Variants in GSG1L2 observed in about 807,000 individuals in gnomAD.
GSG1L2 encodes the protein GSG1 like 2, also known as germ cell-specific gene 1-like protein 2.
Under a neutral mutation model 9.0 loss-of-function variants are expected in GSG1L2, and 15 were observed. The observed-to-expected ratio is 1.67, with a 90% confidence interval of 1.12 to 2.57. The LOEUF is 2.57. GSG1L2 is among the 30% of genes most tolerant of loss of function. The pLI is 0.00. For missense variants in GSG1L2, 286 were observed against 150.3 expected (o/e 1.90, Z -4.72); for synonymous variants, 127 against 57.9 (o/e 2.19, Z -5.41).
intron 1 of GSG1L2, among the ~76,000 whole-genome samples, chr17:9,813,985 T>A (rs1012589230): frequency 3.3e-5 from 5 of 151,710 alleles, no homozygotes; most frequent in East Asian, 1.9e-4. Flanking sequence ...CCAGGGCTGG[T>A]GTGCAATGGC....
chr17:9,815,632 C>A (rs2066556443), intron 1 of GSG1L2, among the ~76,000 whole-genome samples: 1 of 152,120 alleles, frequency 6.6e-6, no homozygotes, highest in Non-Finnish European at 1.5e-5. Flanking sequence ...GGAATCTTTT[C>A]CAGTTTGTTG....
intron 4 of GSG1L2, among the ~76,000 whole-genome samples, chr17:9,806,680 A>AACTGTGT (rs1202521588): frequency 6.6e-6 from 1 of 152,198 alleles, no homozygotes; most frequent in African/African-American, 2.4e-5. Context: ...CTACACTCTC[A>AACTGTGT]ACTGTGTAAG....
intron 3 of GSG1L2, among the ~76,000 whole-genome samples, chr17:9,808,360 A>T (rs1356883121): frequency 1.3e-5 from 2 of 152,188 alleles, no homozygotes; most frequent in Non-Finnish European, 2.9e-5. Context: ...ACTTTTTTTA[A>T]AACTACCATG....
In GSG1L2 at chr17:9,814,508, AAGGTGG is replaced by A. The variant is rs1191329236; in HGVS notation, c.311-3896_311-3891del. 5.9e-5 allele frequency among the ~76,000 whole-genome samples: 9 copies of A among 152,296 alleles called. No individual in the cohort carries two copies. In the South Asian group the frequency reaches 1.0e-3, roughly 18 times the overall value. ...CACAGAGCCAGGGCTGGGCAAAGAG[AAGGTGG>A]AGGCCAGCCAAGGAGATTAAGAGAA... is the stretch of plus-strand genomic sequence containing the variant. On this transcript the variant is annotated intron_variant, in intron 1 of 4. Coordinates refer to ENST00000399363, the MANE Select transcript of GSG1L2 (RefSeq NM_001310219.2).
chr17:9,813,567 AC>A (rs1209332779), intron 1 of GSG1L2, among the ~76,000 whole-genome samples: 1 of 152,186 alleles, frequency 6.6e-6, no homozygotes, highest in Non-Finnish European at 1.5e-5. Context: ...CACAGAGGAA[AC>A]AATTCATCTG....
At chr17:9,810,143 G>A (rs1275311130) in intron 2 of GSG1L2, 2 of 187,404 alleles carry the variant, frequency 1.1e-5, no homozygotes, top group Admixed American at 1.1e-4. Flanking sequence ...CTCCAGCTGG[G>A]AGAACAGACA....
At chr17:9,814,399 T>C (rs2066551421) in intron 1 of GSG1L2, among the ~76,000 whole-genome samples, 1 of 152,194 alleles carries the variant, frequency 6.6e-6, no homozygotes. Context: ...TTCTTGTCTT[T>C]CTACCTAATG....
intron 4 of GSG1L2, 145 bp from the exon 5 acceptor site, chr17:9,802,789 A>G (rs1239275484): frequency 8.2e-6 from 5 of 611,176 alleles, no homozygotes; most frequent in East Asian, 5.5e-5. Context: ...CACAAATCCC[A>G]GAGTCTAGTC....
rs1485269327 is a variant in GSG1L2, at chr17:9,821,934, C to T, written c.138G>A (p.Gln46=). 5 of 703,086 alleles carry T rather than the reference C, an allele frequency of 7.1e-6. No homozygotes were observed. Among genetic ancestry groups the T allele is most frequent in the Non-Finnish European group, 1.3e-5 (5 of 385,044 alleles). 43.6% of individuals were successfully genotyped at this position (703,086 alleles called of 1,614,324 possible). ...AGTGAATGCAGTGCTGCCCTCCCGG[C>T]TGGTCCTGGCACAGTGGCTTCACCA... is the stretch of plus-strand genomic sequence containing the variant. ...RRVVKPLCQD[Q]PGGQHCIHFK... is the part of the protein sequence containing the mutation. Residue 46 remains glutamine (Q), a synonymous_variant, in exon 1 of 5, where the codon CAG becomes CAA. Transcript: ENST00000399363.
chr17:9,802,254 T>G lies in GSG1L2; in HGVS notation c.*132A>C. The G allele has an allele frequency of 1.8e-6, 1 of 561,892 alleles. No homozygotes were observed. The highest frequency in any genetic ancestry group is 2.8e-5 in the East Asian group (1 of 35,750). The allele number at this position is 561,892 out of a possible 1,614,324, so 34.8% of individuals were successfully genotyped here. ...CAAAGGTGTTTAGTAAAAGGTGAGA[T>G]GTGGAGGGGTGGGGATGGAAGCTTT... is the stretch of plus-strand genomic sequence containing the variant. On this transcript the variant is annotated 3_prime_UTR_variant, in exon 5 of 5. Coordinates refer to ENST00000399363, the MANE Select transcript of GSG1L2 (RefSeq NM_001310219.2).
At chr17:9,808,702 C>A in intron 3 of GSG1L2, 128 bp downstream of exon 3, 1 of 596,768 alleles carries the variant, frequency 1.7e-6, no homozygotes, top group Non-Finnish European at 3.0e-6. Context: ...ATCCAGGGGA[C>A]CACCCGCCCT....
intron 4 of GSG1L2, among the ~76,000 whole-genome samples, chr17:9,803,346 G>T (rs761375974): frequency 2.0e-5 from 3 of 152,028 alleles, no homozygotes; most frequent in Non-Finnish European, 4.4e-5. Flanking sequence ...CAGGTGATCC[G>T]CCCGCCTTGG....
intron 3 of GSG1L2, chr17:9,807,918 A>G (rs1324875332): frequency 3.9e-6 from 1 of 255,298 alleles, no homozygotes; most frequent in East Asian, 8.2e-5. Flanking sequence ...GGAGGTAGGC[A>G]TGGTGGCATG....
chr17:9,819,463 C>T (rs556527256), intron 1 of GSG1L2, among the ~76,000 whole-genome samples: 21 of 152,182 alleles, frequency 1.4e-4, no homozygotes, highest in East Asian at 3.9e-4. Context: ...TTTGAAAACA[C>T]GGAAGAAAAT....
chr17:9,819,699 C>CTCGG (rs1276923469), intron 1 of GSG1L2, among the ~76,000 whole-genome samples: 1 of 152,126 alleles, frequency 6.6e-6, no homozygotes, highest in Non-Finnish European at 1.5e-5. Context: ...ATGGTACCAT[C>CTCGG]TCGGCTCACT....
chr17:9,816,390 CTGTG>C (rs369115808), intron 1 of GSG1L2, among the ~76,000 whole-genome samples: 54 of 148,172 alleles, frequency 3.6e-4, no homozygotes, highest in South Asian at 2.6e-3. Context: ...GCGTGTGTGT[CTGTG>C]TCTGTGTGTG....
At chr17:9,811,938 T>C (rs1053484496) in intron 1 of GSG1L2, among the ~76,000 whole-genome samples, 1 of 152,142 alleles carries the variant, frequency 6.6e-6, no homozygotes, top group Non-Finnish European at 1.5e-5. Context: ...TTTTTTCCCA[T>C]TGACTCTTCA....
intron 1 of GSG1L2, among the ~76,000 whole-genome samples, chr17:9,817,967 C>T (rs866144490): frequency 1.7e-4 from 26 of 152,148 alleles, no homozygotes; most frequent in Admixed American, 6.5e-4. Context: ...ACGTTCTCAT[C>T]CCCAATCTCC....
intron 3 of GSG1L2, among the ~76,000 whole-genome samples, chr17:9,808,096 G>A (rs1597940543): frequency 6.6e-6 from 1 of 152,034 alleles, no homozygotes; most frequent in South Asian, 2.1e-4. Context: ...AAGGACTTAG[G>A]AAAGATGCAT....
Sources: allele counts gnomAD v4.1 joint callset (sites outside exome capture counted in the v4.1 genomes callset), GRCh38; gene constraint gnomAD v4.1.1; transcripts MANE v1.5; gene names NCBI Gene and HGNC (gene_info 2026-07-23, HGNC 2026-07-21).